Variants in UGGT2 observed in about 807,000 individuals in gnomAD.
The protein encoded by UGGT2 is UDP-glucose glycoprotein glucosyltransferase 2.
In UGGT2, 180 loss-of-function variants were observed where a neutral mutation model predicts 192.1. The ratio of observed to expected loss-of-function variants is 0.94; its 90% confidence interval spans 0.83 to 1.06. UGGT2 has a LOEUF of 1.06. UGGT2 is among the 50% of genes least tolerant of loss of function. UGGT2 has a pLI of 0.00. For synonymous variants in UGGT2, 580 were observed against 591.0 expected (o/e 0.98, Z 0.27); for missense variants, 1,849 against 1,795.7 (o/e 1.03, Z -0.54).
intron 29 of UGGT2, among the ~76,000 whole-genome samples, chr13:95,872,079 C>G (rs1216528783): frequency 6.6e-6 from 1 of 152,140 alleles, no homozygotes; most frequent in East Asian, 1.9e-4. Context: ...AATGAGAAGT[C>G]TAGCACAATA....
rs761151397 is a variant in UGGT2 at position 95,983,886 on chromosome 13, T to C, written c.1032-22A>G. ...AGATCTGGAAAAATGAATACTAATA[T>C]AATTGATCCTTCCTTAAATGTTTAG... On this transcript the variant is annotated intron_variant, in intron 9 of 38. Transcript: ENST00000376747. 36 of 1,462,698 alleles carry C rather than the reference T, an allele frequency of 2.5e-5. No homozygotes were observed. The African/African-American group carries it at 5.0e-4, about 20-fold the overall frequency. 90.6% of individuals were successfully genotyped at this position (1,462,698 alleles called of 1,614,324 possible). A position where few individuals can be genotyped will look rare whatever the true frequency, so the allele number is the denominator to read the frequency against.
intron 1 of UGGT2, 48 bp from the exon 2 acceptor site, chr13:96,032,019 G>C (rs766437657): frequency 7.1e-7 from 1 of 1,404,288 alleles, no homozygotes; most frequent in East Asian, 2.3e-5. Context: ...ATTTAAAATG[G>C]TTTAGATACT....
intron 30 of UGGT2, among the ~76,000 whole-genome samples, chr13:95,864,281 T>G (rs923646902): frequency 3.9e-5 from 6 of 152,188 alleles, no homozygotes; most frequent in Admixed American, 2.6e-4. Flanking sequence ...AAACCTTGAC[T>G]TTAGCATTTG....
intron 20 of UGGT2, among the ~76,000 whole-genome samples, chr13:95,922,912 A>G (rs2048893265): frequency 6.6e-6 from 1 of 152,242 alleles, no homozygotes; most frequent in African/African-American, 2.4e-5. Context: ...AGAATTAGGT[A>G]TAACAAAAAT....
intron 38 of UGGT2, among the ~76,000 whole-genome samples, chr13:95,827,028 C>T (rs75803386): frequency 1.6e-3 from 247 of 152,068 alleles, no homozygotes; most frequent in African/African-American, 5.4e-3. Flanking sequence ...AAGGGCCAAA[C>T]AAGACATCCT....
intron 12 of UGGT2, among the ~76,000 whole-genome samples, chr13:95,953,694 A>T (rs375600738): frequency 9.2e-5 from 14 of 152,198 alleles, no homozygotes; most frequent in African/African-American, 2.9e-4. Flanking sequence ...GTGCACATCT[A>T]ATGCCCAGAT....
chr13:95,827,742 T>A (rs752756301), intron 38 of UGGT2, among the ~76,000 whole-genome samples: 1 of 152,186 alleles, frequency 6.6e-6, no homozygotes, highest in East Asian at 1.9e-4. Context: ...AGGCAGCACT[T>A]TGACCCACTT....
intron 17 of UGGT2, among the ~76,000 whole-genome samples, chr13:95,928,338 G>T (rs1466264520): frequency 6.6e-6 from 1 of 151,478 alleles, no homozygotes; most frequent in Non-Finnish European, 1.5e-5. Flanking sequence ...CCTGGCGAGG[G>T]CTGCCCCCCA....
intron 34 of UGGT2, among the ~76,000 whole-genome samples, chr13:95,855,242 T>C (rs949906225): frequency 1.3e-5 from 2 of 151,512 alleles, no homozygotes; most frequent in Non-Finnish European, 2.9e-5. Context: ...GCTATGACTG[T>C]GCCACTGCAC....
chr13:95,945,166 ATTTG>A (rs1300125538), intron 15 of UGGT2, among the ~76,000 whole-genome samples: 1 of 151,986 alleles, frequency 6.6e-6, no homozygotes, highest in Non-Finnish European at 1.5e-5. Context: ...AATATTTGCT[ATTTG>A]TTATCACATT....
At chr13:95,962,369 C>T (rs774042798) in intron 12 of UGGT2, among the ~76,000 whole-genome samples, 3 of 151,940 alleles carry the variant, frequency 2.0e-5, no homozygotes, top group African/African-American at 4.8e-5. Flanking sequence ...TGAAGAAGCA[C>T]ACTGATATCA....
At chr13:95,916,851 C>A (rs2048696115) in intron 20 of UGGT2, among the ~76,000 whole-genome samples, 1 of 151,352 alleles carries the variant, frequency 6.6e-6, no homozygotes. Flanking sequence ...ACACATTAAA[C>A]AAAAAAGAAT....
chr13:95,841,873 AG>A (rs1400139101), intron 36 of UGGT2, among the ~76,000 whole-genome samples: 1 of 152,166 alleles, frequency 6.6e-6, no homozygotes, highest in African/African-American at 2.4e-5. Context: ...ATATGATGTG[AG>A]GTAGGGGTCC....
chr13:95,879,275 A>AT (rs1256578687), intron 27 of UGGT2, among the ~76,000 whole-genome samples: 1 of 152,194 alleles, frequency 6.6e-6, no homozygotes, highest in Non-Finnish European at 1.5e-5. Flanking sequence ...TTGTTCCTAT[A>AT]TATTTATATA....
chr13:96,008,272 A>G (rs2052045148), intron 5 of UGGT2, among the ~76,000 whole-genome samples: 1 of 152,184 alleles, frequency 6.6e-6, no homozygotes, highest in Admixed American at 6.5e-5. Flanking sequence ...GGGAGAAAAT[A>G]TTTGACAAAT....
chr13:95,859,941 G>A, intron 32 of UGGT2: 1 of 256,178 alleles, frequency 3.9e-6, no homozygotes, highest in Non-Finnish European at 7.4e-6. Context: ...AATGTGTAAG[G>A]ATGAATACAT....
intron 12 of UGGT2, among the ~76,000 whole-genome samples, chr13:95,959,414 T>C (rs2050317146): frequency 6.6e-6 from 1 of 152,094 alleles, no homozygotes; most frequent in African/African-American, 2.4e-5. Flanking sequence ...CGGTGGATCA[T>C]CCCGCTCCCC....
intron 1 of UGGT2, among the ~76,000 whole-genome samples, chr13:96,035,909 T>C (rs775538877): frequency 9.2e-5 from 14 of 152,034 alleles, no homozygotes; most frequent in Admixed American, 3.3e-4. Context: ...CAAGAAACAA[T>C]AGATGCTGGC....
At chr13:96,052,657 T>A (rs1000489121) in intron 1 of UGGT2, among the ~76,000 whole-genome samples, 1 of 152,144 alleles carries the variant, frequency 6.6e-6, no homozygotes, top group African/African-American at 2.4e-5. Context: ...CAAAATGCAA[T>A]AGCTACAAGT....
Sources: allele counts gnomAD v4.1 joint callset (sites outside exome capture counted in the v4.1 genomes callset), GRCh38; gene constraint gnomAD v4.1.1; transcripts MANE v1.5; gene names NCBI Gene and HGNC (gene_info 2026-07-23, HGNC 2026-07-21).